Variants in EYS observed in about 807,000 individuals in gnomAD.
The protein encoded by EYS is EGF-like photoreceptor maintenance factor.
In EYS, 250 loss-of-function variants were observed where a neutral mutation model predicts 282.1. The observed-to-expected ratio is 0.89, with a 90% CI of 0.80 to 0.98. The LOEUF (loss-of-function observed/expected upper bound fraction) is 0.98. EYS is among the 50% of genes least tolerant of loss of function. The pLI is 0.00. For missense variants in EYS, 4,016 were observed against 3,709.0 expected, an observed-to-expected ratio of 1.08 and a Z score of -2.15; for synonymous variants, 1,355 against 1,282.9, an observed-to-expected ratio of 1.06 and a Z score of -1.20.
intron 36 of EYS, among the ~76,000 whole-genome samples, chr6:63,807,103 G>A (rs1018171647): frequency 6.6e-5 from 10 of 152,108 alleles, no homozygotes; most frequent in African/African-American, 1.7e-4. Flanking sequence ...TTCTTGTATC[G>A]AACTCTTCTC....
intron 2 of EYS, among the ~76,000 whole-genome samples, chr6:65,602,295 G>T (rs1765641097): frequency 6.6e-6 from 1 of 151,678 alleles, no homozygotes; most frequent in Non-Finnish European, 1.5e-5. Flanking sequence ...TAAAGTTATT[G>T]GGTTATAATA....
chr6:65,616,397 G>C (rs1340016650), intron 2 of EYS, among the ~76,000 whole-genome samples: 4 of 127,124 alleles, frequency 3.1e-5, no homozygotes, highest in Admixed American at 1.6e-4. Context: ...AACCTTGTTT[G>C]CTTCAAACAA....
chr6:64,927,545 A>G (rs1024030814), intron 15 of EYS, among the ~76,000 whole-genome samples: 7 of 152,126 alleles, frequency 4.6e-5, no homozygotes, highest in African/African-American at 1.7e-4. Flanking sequence ...CATAAGAAAA[A>G]CCACAACACT....
intron 1 of EYS, among the ~76,000 whole-genome samples, chr6:65,657,848 G>C (rs185950417): frequency 5.9e-5 from 9 of 151,714 alleles, no homozygotes; most frequent in Admixed American, 1.3e-4. Flanking sequence ...GTTAATTGAT[G>C]TATCAAACTT....
intron 33 of EYS, among the ~76,000 whole-genome samples, chr6:64,043,254 C>A (rs1770470898): frequency 6.6e-6 from 1 of 152,124 alleles, no homozygotes; most frequent in Non-Finnish European, 1.5e-5. Flanking sequence ...GCACTGCTGG[C>A]AGGAGTATAA....
At chr6:64,709,369 T>C (rs1583066512) in intron 22 of EYS, among the ~76,000 whole-genome samples, 1 of 152,106 alleles carries the variant, frequency 6.6e-6, no homozygotes, top group East Asian at 1.9e-4. Flanking sequence ...TTTGATGGAG[T>C]TCATTTCTTC....
chr6:65,045,054 G>A (rs758241259), intron 13 of EYS, among the ~76,000 whole-genome samples: 2 of 151,674 alleles, frequency 1.3e-5, no homozygotes, highest in African/African-American at 4.8e-5. Flanking sequence ...GTCTGCTTCT[G>A]GTAACTCTTT....
chr6:64,870,948 C>T (rs1467721948), intron 19 of EYS, among the ~76,000 whole-genome samples: 3 of 151,618 alleles, frequency 2.0e-5, no homozygotes, highest in Non-Finnish European at 4.4e-5. Context: ...TTGTGGGATA[C>T]CATCAAGTGG....
chr6:64,178,867 C>G (rs1215632982), intron 31 of EYS, among the ~76,000 whole-genome samples: 1 of 151,818 alleles, frequency 6.6e-6, no homozygotes, highest in African/African-American at 2.4e-5. Flanking sequence ...ATTTATAAAC[C>G]AAGTTTGGCC....
intron 22 of EYS, among the ~76,000 whole-genome samples, chr6:64,703,523 C>A (rs1770871092): frequency 6.8e-6 from 1 of 146,150 alleles, no homozygotes; most frequent in Admixed American, 7.1e-5. Flanking sequence ...ATCTCCACCT[C>A]CCGGGTTCAA....
At chr6:64,289,514 A>AT (rs1174282117) in intron 30 of EYS, among the ~76,000 whole-genome samples, 1 of 152,052 alleles carries the variant, frequency 6.6e-6, no homozygotes, top group Non-Finnish European at 1.5e-5. Flanking sequence ...CTTGAACGGT[A>AT]TTTCAGATTC....
At chr6:64,718,922 T>TCCA (rs1771483316) in intron 22 of EYS, among the ~76,000 whole-genome samples, 1 of 152,212 alleles carries the variant, frequency 6.6e-6, no homozygotes, top group African/African-American at 2.4e-5. Flanking sequence ...TTTGCCAATG[T>TCCA]AATTAAGACT....
chr6:65,140,250 T>G (rs1764293923), intron 12 of EYS, among the ~76,000 whole-genome samples: 1 of 152,016 alleles, frequency 6.6e-6, no homozygotes, highest in Non-Finnish European at 1.5e-5. Flanking sequence ...TTTTCTATTT[T>G]CAAGTTCACA....
chr6:64,460,283 T>C (rs1775701179), intron 26 of EYS, among the ~76,000 whole-genome samples: 1 of 152,198 alleles, frequency 6.6e-6, no homozygotes, highest in South Asian at 2.1e-4. Context: ...GCTATAATGA[T>C]TATCCATAAT....
intron 37 of EYS, among the ~76,000 whole-genome samples, chr6:63,794,703 T>C (rs1441969470): frequency 6.6e-6 from 1 of 152,228 alleles, no homozygotes; most frequent in Non-Finnish European, 1.5e-5. Context: ...GCAATTTATA[T>C]TTTTATATTT....
intron 8 of EYS, among the ~76,000 whole-genome samples, chr6:65,383,454 G>T (rs1440936921): frequency 6.6e-6 from 1 of 151,434 alleles, no homozygotes. Context: ...TAACTTCTTA[G>T]TTCTACTTTT....
In EYS at chr6:65,016,858, C is replaced by T. The variant is rs540269773; in HGVS notation, c.2138-19155G>A. 3.3e-5 allele frequency among the ~76,000 whole-genome samples: 5 copies of T among 152,132 alleles called. No homozygotes were observed. In the South Asian group the frequency reaches 8.3e-4, roughly 25 times the overall value. On this transcript the variant is annotated intron_variant, in intron 13 of 42. Transcript: ENST00000503581. Reference sequence around the variant, plus strand: ...ACTAAAGTTCTATGAAAAGACAGTCCTTTTTACTAAACAGAAGATCTAGCT... The same window carrying T: ...ACTAAAGTTCTATGAAAAGACAGTCTTTTTTACTAAACAGAAGATCTAGCT...
chr6:64,306,007 T>C (rs960277700), intron 30 of EYS, among the ~76,000 whole-genome samples: 3 of 152,136 alleles, frequency 2.0e-5, no homozygotes, highest in African/African-American at 4.8e-5. Flanking sequence ...TCAGAATATA[T>C]AGAGAACTCC....
intron 28 of EYS, among the ~76,000 whole-genome samples, chr6:64,399,914 A>T (rs752016045): frequency 6.6e-6 from 1 of 151,884 alleles, no homozygotes; most frequent in Non-Finnish European, 1.5e-5. Flanking sequence ...ATCACAATTC[A>T]TGTCTCTCTC....
Sources: allele counts gnomAD v4.1 joint callset (sites outside exome capture counted in the v4.1 genomes callset), GRCh38; gene constraint gnomAD v4.1.1; transcripts MANE v1.5; gene names NCBI Gene and HGNC (gene_info 2026-07-23, HGNC 2026-07-21).